The following NEDD4L variants were observed in gnomAD, a reference collection of about 807,000 sequenced individuals.
NEDD4L encodes NEDD4 like E3 ubiquitin protein ligase.
Under a neutral mutation model 148.9 loss-of-function variants are expected in NEDD4L, and 54 were observed. The observed-to-expected ratio is 0.36, with a 90% CI of 0.29 to 0.45. The LOEUF is 0.45. NEDD4L is among the 20% of genes least tolerant of loss of function. The pLI, the probability that NEDD4L is intolerant of heterozygous loss-of-function variation, is 1.00. For synonymous variants in NEDD4L, 433 were observed against 440.7 expected (o/e 0.98, Z 0.22); for missense variants, 856 against 1,233.8 (o/e 0.69, Z 4.59).
chr18:58,175,431 A>G (rs2038018955), intron 2 of NEDD4L, among the ~76,000 whole-genome samples: 1 of 152,230 alleles, frequency 6.6e-6, no homozygotes, highest in South Asian at 2.1e-4. Flanking sequence ...TAGCATTTAG[A>G]ACTGACTTCT....
intron 1 of NEDD4L, among the ~76,000 whole-genome samples, chr18:58,079,017 C>T (rs763696685): frequency 2.6e-4 from 40 of 151,998 alleles, no homozygotes; most frequent in Non-Finnish European, 1.5e-5. Context: ...ATAAAATGTA[C>T]CAGGCACTCC....
chr18:58,353,504 C>G, intron 18 of NEDD4L, among the ~76,000 whole-genome samples: 1 of 152,216 alleles, frequency 6.6e-6, no homozygotes, highest in South Asian at 2.1e-4. Flanking sequence ...CTTAGCTGTT[C>G]ATGCTACGTT....
chr18:58,359,436 G>A (rs867862668), intron 19 of NEDD4L, among the ~76,000 whole-genome samples: 17 of 152,238 alleles, frequency 1.1e-4, no homozygotes, highest in South Asian at 4.2e-4. Flanking sequence ...GGACCTCAGG[G>A]AACTTGAATG....
At chr18:58,221,623 G>T in intron 2 of NEDD4L, 8 of 985,408 alleles carry the variant, frequency 8.1e-6, no homozygotes, top group Non-Finnish European at 8.4e-6. Context: ...GGTGTGTACG[G>T]GCACTGCTTT....
rs2059732245 is a variant in NEDD4L, at chr18:58,330,859, G to A, written c.935G>A (p.Ser312Asn). 1.2e-6 allele frequency: 2 copies of A among 1,613,978 alleles called. No homozygotes were observed. The highest frequency in any genetic ancestry group is 1.7e-6 in the Non-Finnish European group (2 of 1,179,892). Residue 312 changes from serine to asparagine, a missense_variant, in exon 11 of 31, where the codon AGC becomes AAC. Ser to Asn is a conservative substitution (Grantham distance 46). Around this residue, in one of 4 missense-constraint regions of NEDD4L, gnomAD observed 367 missense variants for 422.7 expected, o/e 0.87. Transcript: ENST00000400345. ...CCTCAGGAGCTGTCAGAGGAACTAAGCAGAAGGCTTCAGATCACTCCAGAC... is the reference window on the plus strand; with the variant it reads ...CCTCAGGAGCTGTCAGAGGAACTAAACAGAAGGCTTCAGATCACTCCAGAC... ...TSPQELSEEL[S>N]RRLQITPDSN...
intron 2 of NEDD4L, among the ~76,000 whole-genome samples, chr18:58,169,150 C>T (rs574373814): frequency 6.6e-5 from 10 of 152,308 alleles, no homozygotes; most frequent in African/African-American, 2.2e-4. Flanking sequence ...TTGTCCTTTT[C>T]GGCCGTCTCG....
In NEDD4L at chr18:58,235,109, C is replaced by T. The variant is rs569278329; in HGVS notation, c.123-10318C>T. On this transcript the variant is annotated intron_variant, in intron 2 of 30. Transcript: ENST00000400345. Reference sequence around the variant, plus strand: ...AAGATTGTACGGGAAGGGCTTAGGACGGTGCTTGGCTCATATAAACACTCA... The same window carrying T: ...AAGATTGTACGGGAAGGGCTTAGGATGGTGCTTGGCTCATATAAACACTCA... Among the ~76,000 whole-genome samples the T allele has an allele frequency of 2.5e-4, 38 of 151,858 alleles. 1 individual carries two copies. In the South Asian group the frequency reaches 7.3e-3, roughly 29 times the overall value.
At chr18:58,277,064 A>C (rs2052192236) in intron 5 of NEDD4L, among the ~76,000 whole-genome samples, 1 of 152,112 alleles carries the variant, frequency 6.6e-6, no homozygotes, top group South Asian at 2.1e-4. Context: ...GCATACAACC[A>C]TGTCAGAAGG....
intron 24 of NEDD4L, among the ~76,000 whole-genome samples, chr18:58,381,748 A>G (rs1397467389): frequency 4.6e-5 from 7 of 152,190 alleles, no homozygotes; most frequent in Admixed American, 2.0e-4. Flanking sequence ...AACACATAGA[A>G]CAAAAGGTAT....
At chr18:58,329,265 A>G in intron 10 of NEDD4L, 138 bp downstream of exon 10, 1 of 997,190 alleles carries the variant, frequency 1.0e-6, no homozygotes, top group Non-Finnish European at 1.5e-6. Context: ...GGAATTAATT[A>G]CCATCTGAAT....
chr18:58,045,048 A>G (rs2081511553), intron 1 of NEDD4L: 4 of 407,596 alleles, frequency 9.8e-6, no homozygotes, highest in Non-Finnish European at 1.3e-5. Flanking sequence ...CTGTTGGGCA[A>G]CTTTCCGCCT....
intron 1 of NEDD4L, among the ~76,000 whole-genome samples, chr18:58,063,982 T>C (rs1468763014): frequency 2.9e-5 from 3 of 105,208 alleles, no homozygotes; most frequent in Non-Finnish European, 5.8e-5. Flanking sequence ...TTTTTTTTTT[T>C]GAGACGGAGT....
At chr18:58,186,898 C>T (rs2039543210) in intron 2 of NEDD4L, among the ~76,000 whole-genome samples, 1 of 152,216 alleles carries the variant, frequency 6.6e-6, no homozygotes, top group Non-Finnish European at 1.5e-5. Context: ...AGCTGGGAGC[C>T]ACTGGTCTAC....
chr18:58,300,664 T>C (rs940478969), intron 5 of NEDD4L, among the ~76,000 whole-genome samples: 11 of 152,234 alleles, frequency 7.2e-5, no homozygotes, highest in Non-Finnish European at 1.3e-4. Context: ...CTGGAGTTTT[T>C]TGCACATGGC....
At chr18:58,077,097 C>T (rs1048179896) in intron 1 of NEDD4L, among the ~76,000 whole-genome samples, 9 of 150,994 alleles carry the variant, frequency 6.0e-5, no homozygotes, top group South Asian at 2.1e-4. Context: ...GTAATCTGCC[C>T]GCCTCAGCCT....
intron 5 of NEDD4L, among the ~76,000 whole-genome samples, chr18:58,279,100 C>G (rs1370551539): frequency 6.6e-6 from 1 of 151,782 alleles, no homozygotes; most frequent in Non-Finnish European, 1.5e-5. Context: ...TGGTCTCAAA[C>G]GCCTGGCCTC....
Position 58,169,439 on chromosome 18 carries a change from A to T in NEDD4L, c.122+3578A>T, listed in dbSNP as rs142647367. 3.9e-5 allele frequency among the ~76,000 whole-genome samples: 6 copies of T among 152,314 alleles called. No individual in the cohort carries two copies. The East Asian group carries it at 7.7e-4, about 20-fold the overall frequency. ...GCGACATTGAATGGGACGTCCGGACATAAGATGTAAATTGAGACTGCAGTC... is the reference window on the plus strand; with the variant it reads ...GCGACATTGAATGGGACGTCCGGACTTAAGATGTAAATTGAGACTGCAGTC... On this transcript the variant is annotated intron_variant, in intron 2 of 30. Coordinates refer to ENST00000400345, the MANE Select transcript of NEDD4L (RefSeq NM_001144967.3).
intron 5 of NEDD4L, among the ~76,000 whole-genome samples, chr18:58,262,214 C>T (rs1419414169): frequency 6.6e-6 from 1 of 152,204 alleles, no homozygotes; most frequent in Admixed American, 6.5e-5. Flanking sequence ...GCAGGTATTG[C>T]AGAATGTCTA....
intron 1 of NEDD4L, among the ~76,000 whole-genome samples, chr18:58,116,510 T>C (rs915375508): frequency 6.6e-6 from 1 of 152,218 alleles, no homozygotes; most frequent in African/African-American, 2.4e-5. Context: ...GTGCATCTAA[T>C]GCAGCCTAAA....
Sources: allele counts gnomAD v4.1 joint callset (sites outside exome capture counted in the v4.1 genomes callset), GRCh38; gene constraint gnomAD v4.1.1; regional missense constraint gnomAD v4.1.1; transcripts MANE v1.5; gene names NCBI Gene and HGNC (gene_info 2026-07-23, HGNC 2026-07-21).